The following RAPGEF4 variants were observed in gnomAD, a reference collection of about 807,000 sequenced individuals.
RAPGEF4 encodes RAP guanine-nucleotide-exchange factor (GEF) 4.
In RAPGEF4, 66 loss-of-function variants were observed where a neutral mutation model predicts 147.9. The observed-to-expected ratio is 0.45, with a 90% CI of 0.37 to 0.55. RAPGEF4 has a LOEUF of 0.55. RAPGEF4 is among the 20% of genes least tolerant of loss of function. RAPGEF4 has a pLI of 0.00. For synonymous variants in RAPGEF4, 419 were observed against 442.7 expected (o/e 0.95, Z 0.67); for missense variants, 1,071 against 1,257.3 (o/e 0.85, Z 2.24).
intron 6 of RAPGEF4, among the ~76,000 whole-genome samples, chr2:172,941,739 T>C (rs1687180507): frequency 6.6e-6 from 1 of 152,152 alleles, no homozygotes; most frequent in Non-Finnish European, 1.5e-5. Flanking sequence ...AGCTCAATGC[T>C]GGCCCTGCCA....
rs145880381 is a variant in RAPGEF4 at position 172,981,496 on chromosome 2, T to C, written c.1005-2000T>C. Among the ~76,000 whole-genome samples, 1,161 of 152,320 alleles carry C rather than the reference T, an allele frequency of 7.6e-3. 17 individuals carry two copies. Among genetic ancestry groups the C allele is most frequent in the African/African-American group, 0.026 (1,099 of 41,558 alleles). ...CAGCATCTTTATGGGTCCCATACTT[T>C]CTGGGTTCCACCATAAGCACGAGAT... is the stretch of plus-strand genomic sequence containing the variant. On this transcript the variant is annotated intron_variant, in intron 10 of 30. Transcript: ENST00000397081.
intron 4 of RAPGEF4, among the ~76,000 whole-genome samples, chr2:172,816,302 C>A (rs1288994218): frequency 6.6e-6 from 1 of 151,728 alleles, no homozygotes; most frequent in East Asian, 1.9e-4. Context: ...CTCTCTCTTA[C>A]TTTCCCCCTG....
At chr2:173,046,755 C>T (rs1052010665) in intron 29 of RAPGEF4, among the ~76,000 whole-genome samples, 4 of 152,166 alleles carry the variant, frequency 2.6e-5, no homozygotes, top group African/African-American at 2.4e-5. Flanking sequence ...TCAGTTTTCA[C>T]GATCTTTGAT....
At chr2:172,784,011 G>A (rs1241852770) in intron 1 of RAPGEF4, among the ~76,000 whole-genome samples, 8 of 152,088 alleles carry the variant, frequency 5.3e-5, no homozygotes, top group Non-Finnish European at 7.4e-5. Context: ...TCATCTGTAC[G>A]TGAAGTCTCT....
chr2:172,910,938 G>C (rs981032258), intron 4 of RAPGEF4, among the ~76,000 whole-genome samples: 1 of 152,208 alleles, frequency 6.6e-6, no homozygotes, highest in Admixed American at 6.5e-5. Context: ...GGTCCCTATT[G>C]ATGAAGGAAA....
At chr2:172,967,139 G>A (rs1689927709) in intron 9 of RAPGEF4, 122 bp from the exon 10 acceptor site, 10 of 944,356 alleles carry the variant, frequency 1.1e-5, no homozygotes, top group African/African-American at 3.3e-5. Flanking sequence ...TGAGAAGGGC[G>A]AGGAGGCTCC....
At position 173,022,414 on chromosome 2, in the gene RAPGEF4, C is replaced by T. The variant is rs149686914; in HGVS notation, c.2253+1699C>T. ...GAACTTCTTCCCTATCAGCGCTCTGCCATTCATTGTGCTGTGAGTGGCCAA... is the reference window on the plus strand; with the variant it reads ...GAACTTCTTCCCTATCAGCGCTCTGTCATTCATTGTGCTGTGAGTGGCCAA... On this transcript the variant is annotated intron_variant, in intron 23 of 30. Transcript: ENST00000397081. Among the ~76,000 whole-genome samples the T allele has an allele frequency of 4.6e-5, 7 of 152,336 alleles. No homozygotes were observed. The East Asian group carries it at 1.3e-3, about 29-fold the overall frequency.
At chr2:173,022,843 A>G (rs964503294) in intron 23 of RAPGEF4, among the ~76,000 whole-genome samples, 1 of 152,224 alleles carries the variant, frequency 6.6e-6, no homozygotes, top group Non-Finnish European at 1.5e-5. Flanking sequence ...TTTACTCTTC[A>G]CATTTTATTT....
At chr2:172,900,189 A>C (rs1055240419) in intron 4 of RAPGEF4, among the ~76,000 whole-genome samples, 1 of 152,212 alleles carries the variant, frequency 6.6e-6, no homozygotes, top group Non-Finnish European at 1.5e-5. Context: ...CAACCATTTA[A>C]AGCTGCAACT....
At chr2:172,892,941 A>G (rs1309665224) in intron 4 of RAPGEF4, among the ~76,000 whole-genome samples, 3 of 152,232 alleles carry the variant, frequency 2.0e-5, no homozygotes, top group Admixed American at 2.0e-4. Flanking sequence ...AAAGGTCTTT[A>G]AACTGATAAG....
chr2:172,772,131 C>T (rs985749119), intron 1 of RAPGEF4, among the ~76,000 whole-genome samples: 11 of 151,826 alleles, frequency 7.2e-5, no homozygotes, highest in African/African-American at 1.5e-4. Context: ...CTCAGCTACT[C>T]GGGAGGCTGA....
intron 1 of RAPGEF4, among the ~76,000 whole-genome samples, chr2:172,783,630 A>G (rs1382232248): frequency 6.6e-6 from 1 of 152,168 alleles, no homozygotes; most frequent in Admixed American, 6.5e-5. Flanking sequence ...TGACAAAGTC[A>G]AGAGCCTCAG....
chr2:172,926,212 T>G (rs769244697), intron 6 of RAPGEF4, among the ~76,000 whole-genome samples: 3 of 152,240 alleles, frequency 2.0e-5, no homozygotes, highest in Non-Finnish European at 4.4e-5. Context: ...TTTCTGTCTT[T>G]TATATGTGCT....
At chr2:173,038,830 C>A (rs1427688551) in intron 29 of RAPGEF4, among the ~76,000 whole-genome samples, 1 of 152,148 alleles carries the variant, frequency 6.6e-6, no homozygotes, top group Admixed American at 6.5e-5. Context: ...GCAAGGTATG[C>A]AAAGCCAGCC....
At position 172,814,653 on chromosome 2, in the gene RAPGEF4, ACATAC is replaced by A. The variant is rs565829278; in HGVS notation, c.444+230_444+234del. ...TGCTTGCTCAATTTTCTGTAGTTTGACATACCTTATAATTATTTCTTGAATGACCA... is the reference window on the plus strand; with the variant it reads ...TGCTTGCTCAATTTTCTGTAGTTTGACTTATAATTATTTCTTGAATGACCA... On this transcript the variant is annotated intron_variant, in intron 4 of 30. Transcript: ENST00000397081. 6.9e-5 allele frequency: 37 copies of A among 536,524 alleles called. No homozygotes were observed. In the East Asian group the frequency reaches 8.8e-4, roughly 13 times the overall value. The allele number at this position is 536,524 out of a possible 1,614,324, so 33.2% of individuals were successfully genotyped here. A position where few individuals can be genotyped will look rare whatever the true frequency, so the allele number is the denominator to read the frequency against.
chr2:173,033,722 C>T (rs1238700738), intron 26 of RAPGEF4, among the ~76,000 whole-genome samples, 192 bp from the exon 27 acceptor site: 3 of 152,126 alleles, frequency 2.0e-5, no homozygotes, highest in African/African-American at 7.2e-5. Flanking sequence ...AGGTTAAAGA[C>T]GTTTAAAAGG....
At position 172,887,562 on chromosome 2, in the gene RAPGEF4, C is replaced by T. The variant is rs539571822; in HGVS notation, c.445-30240C>T. 2.6e-3 allele frequency among the ~76,000 whole-genome samples: 400 copies of T among 152,268 alleles called. 2 individuals are homozygous for T. Among genetic ancestry groups the T allele is most frequent in the Non-Finnish European group, 4.3e-3 (293 of 68,030 alleles). On this transcript the variant is annotated intron_variant, in intron 4 of 30. Coordinates refer to ENST00000397081, the MANE Select transcript of RAPGEF4 (RefSeq NM_007023.4). ...TGGAACACAGCCACACTCGTTTATT[C>T]ATATATCGTTTATGCTTGCTTTAGT...
intron 29 of RAPGEF4, among the ~76,000 whole-genome samples, chr2:173,040,924 A>T (rs1422181635): frequency 6.6e-6 from 1 of 152,320 alleles, no homozygotes; most frequent in East Asian, 1.9e-4. Flanking sequence ...GGATTAGAGG[A>T]TAATATGCTG....
In RAPGEF4 at chr2:173,051,396, T is replaced by C. The variant is rs184438076; in HGVS notation, c.2909-244T>C. Among the ~76,000 whole-genome samples the C allele has an allele frequency of 5.9e-5, 9 of 152,074 alleles. No homozygotes were observed. In the East Asian group the frequency reaches 1.5e-3, roughly 26 times the overall value. On this transcript the variant is annotated intron_variant, in intron 30 of 30. Coordinates refer to ENST00000397081, the MANE Select transcript of RAPGEF4 (RefSeq NM_007023.4). Reference sequence around the variant, plus strand: ...TTTTAATTTGGTGCCATTTTTTTTTTACAACGTGCAATTCAAAGGAGAATG... The same window carrying C: ...TTTTAATTTGGTGCCATTTTTTTTTCACAACGTGCAATTCAAAGGAGAATG...
Sources: gnomAD v4.1 joint callset for allele counts (sites outside exome capture counted in the v4.1 genomes callset) on GRCh38, gnomAD v4.1.1 for gene constraint, MANE v1.5 for transcripts, NCBI Gene and HGNC (gene_info 2026-07-23, HGNC 2026-07-21) for gene names.